IFT81: variants seen among roughly 807,000 people sequenced by gnomAD.
The protein encoded by IFT81 is intraflagellar transport 81.
A neutral mutation model predicts 102.6 loss-of-function variants in IFT81; 72 were observed. The ratio of observed to expected loss-of-function variants is 0.70; its 90% CI spans 0.58 to 0.85. IFT81 has a LOEUF of 0.85. Ranked by LOEUF, IFT81 falls within the 40% of genes least tolerant of loss-of-function variation. IFT81 has a pLI of 0.00. For missense variants in IFT81, 723 were observed against 787.3 expected, an observed-to-expected ratio of 0.92 and a Z score of 0.98; for synonymous variants, 237 against 242.7, an observed-to-expected ratio of 0.98 and a Z score of 0.22.
chr12:110,177,821 G>T (rs1178301170), intron 11 of IFT81, among the ~76,000 whole-genome samples: 2 of 152,040 alleles, frequency 1.3e-5, no homozygotes, highest in Non-Finnish European at 2.9e-5. Flanking sequence ...AAAGCCGGGC[G>T]CAGTGGCTCA....
At chr12:110,126,459 T>G (rs923505533) in intron 1 of IFT81, among the ~76,000 whole-genome samples, 2 of 150,634 alleles carry the variant, frequency 1.3e-5, no homozygotes, top group South Asian at 2.1e-4. Context: ...GTTGGGGGGG[T>G]TTGTGCCTCT....
chr12:110,176,706 C>T (rs1292664204), intron 11 of IFT81, among the ~76,000 whole-genome samples: 1 of 152,186 alleles, frequency 6.6e-6, no homozygotes, highest in Non-Finnish European at 1.5e-5. Context: ...TTGATGGCCA[C>T]CTATTGCTTA....
Position 110,209,959 on chromosome 12 carries a change from C to G in IFT81, c.1848+743C>G, listed in dbSNP as rs1474113641. On this transcript the variant is annotated intron_variant, in intron 18 of 18. Transcript: ENST00000242591. ...CTCAGCTCCCTCCTGCCAGAGTTAT[C>G]TGATGGCAACTGAAATAGGACTGTA... is the stretch of plus-strand genomic sequence containing the variant. Among the ~76,000 whole-genome samples, 3 of 152,198 alleles carry G rather than the reference C, an allele frequency of 2.0e-5. No individual in the cohort carries two copies. The East Asian group carries it at 5.8e-4, about 29-fold the overall frequency.
chr12:110,128,798 A>C (rs1045200390), intron 3 of IFT81, 152 bp from the exon 4 acceptor site: 4 of 609,680 alleles, frequency 6.6e-6, no homozygotes, highest in Admixed American at 6.8e-5. Context: ...AAAAAAAAAA[A>C]AAAAAAAAAA....
intron 7 of IFT81, among the ~76,000 whole-genome samples, chr12:110,135,733 G>GGT (rs1454206404): frequency 6.6e-6 from 1 of 151,966 alleles, no homozygotes; most frequent in Non-Finnish European, 1.5e-5. Flanking sequence ...TGGGCATGGT[G>GGT]GCACATGCCT....
At chr12:110,197,555 C>CAT (rs141544205) in intron 14 of IFT81, among the ~76,000 whole-genome samples, 12,433 of 108,438 alleles carry the variant, frequency 0.11, 656 homozygotes, top group Admixed American at 0.15. Flanking sequence ...AGGTTTTTAT[C>CAT]ATATATATAT....
At position 110,205,682 on chromosome 12, in the gene IFT81, C is replaced by G. The variant is rs773142981; in HGVS notation, c.1802+2C>G. 1 of 1,567,904 alleles carries G rather than the reference C, an allele frequency of 6.4e-7. No homozygotes were observed. Among genetic ancestry groups the G allele is most frequent in the Non-Finnish European group, 8.6e-7 (1 of 1,158,372 alleles). The stretch of plus-strand genomic sequence containing the variant: ...ACAAGAAAAAAGAAAGGCAATTAGG[C>G]AAGTGATTTTGTTGTTTTATATTGA... On this transcript the variant is annotated splice_donor_variant, in intron 17 of 18. Coordinates refer to ENST00000242591, the MANE Select transcript of IFT81 (RefSeq NM_014055.4). LOFTEE classifies it high-confidence loss of function.
At chr12:110,213,924 A>G (rs1325294546) in intron 18 of IFT81, among the ~76,000 whole-genome samples, 1 of 152,160 alleles carries the variant, frequency 6.6e-6, no homozygotes, top group Non-Finnish European at 1.5e-5. Context: ...GTGTGACAAA[A>G]TGTTCTAATT....
In IFT81 at chr12:110,136,783, A is replaced by T. The variant is rs764531304; in HGVS notation, c.704A>T (p.His235Leu). The change falls in exon 8 of 19, where the codon CAT (histidine) becomes CTT (leucine). Residue 235 changes from histidine (H) to leucine (L), a missense_variant. Physicochemically the swap from His to Leu is moderately conservative, Grantham distance 99 (BLOSUM62 -3). Coordinates refer to ENST00000242591, the MANE Select transcript of IFT81 (RefSeq NM_014055.4). Reference sequence around the variant, plus strand: ...TTTAATTGTATTTTAAAGCTATTTCATGCAGTGCAAAGATTGCAAAGAGTA... The same window carrying T: ...TTTAATTGTATTTTAAAGCTATTTCTTGCAGTGCAAAGATTGCAAAGAGTA... ...QKQEQKNQLF[H>L]AVQRLQRVQN... 1 of 1,603,942 alleles carries T rather than the reference A, an allele frequency of 6.2e-7. No homozygotes were observed. Among genetic ancestry groups the T allele is most frequent in the Admixed American group, 1.7e-5 (1 of 59,658 alleles).
Position 110,191,038 on chromosome 12 carries a change from T to A in IFT81, c.1457T>A (p.Met486Lys). The A allele has an allele frequency of 1.9e-6, 3 of 1,603,392 alleles. No individual in the cohort carries two copies. Among genetic ancestry groups the A allele is most frequent in the East Asian group, 2.3e-5 (1 of 44,396 alleles). ...ATGAAAGGACGAACATTGGATGATA[T>A]GTCTGAAATGGTGATGATACTTTTA... is the stretch of plus-strand genomic sequence containing the variant. ...DEMKGRTLDD[M>K]SEMVKKLYSL... is the part of the protein sequence containing the mutation. Residue 486 changes from methionine to lysine, a missense_variant, in exon 13 of 19, where the codon ATG becomes AAG. Coordinates refer to ENST00000242591, the MANE Select transcript of IFT81 (RefSeq NM_014055.4).
intron 1 of IFT81, among the ~76,000 whole-genome samples, chr12:110,125,425 C>G (rs1029264524): frequency 6.6e-6 from 1 of 152,188 alleles, no homozygotes; most frequent in African/African-American, 2.4e-5. Flanking sequence ...GACGGAGTCT[C>G]TCTCTGTCCC....
At chr12:110,164,590 C>A (rs538810752) in intron 11 of IFT81, among the ~76,000 whole-genome samples, 1 of 152,180 alleles carries the variant, frequency 6.6e-6, no homozygotes, top group African/African-American at 2.4e-5. Context: ...CTTCACTGTG[C>A]CAAACAAATG....
At chr12:110,185,738 C>T (rs900367115) in intron 12 of IFT81, among the ~76,000 whole-genome samples, 2 of 151,932 alleles carry the variant, frequency 1.3e-5, no homozygotes, top group African/African-American at 2.4e-5. Context: ...GGACTACAGG[C>T]GTGCACTACC....
intron 11 of IFT81, among the ~76,000 whole-genome samples, chr12:110,176,249 G>A (rs1897029536): frequency 6.6e-6 from 1 of 152,026 alleles, no homozygotes; most frequent in African/African-American, 2.4e-5. Flanking sequence ...AACTTCCCAA[G>A]CCCCCTCATT....
intron 14 of IFT81, among the ~76,000 whole-genome samples, chr12:110,195,745 C>T (rs1897973143): frequency 6.6e-6 from 1 of 152,160 alleles, no homozygotes; most frequent in Non-Finnish European, 1.5e-5. Context: ...GGAACTTGTC[C>T]TCTAGTTGAG....
chr12:110,153,197 A>G (rs1257581496), intron 10 of IFT81, among the ~76,000 whole-genome samples: 1 of 152,198 alleles, frequency 6.6e-6, no homozygotes. Context: ...TCTTCAACTT[A>G]TTGTAAAAGT....
chr12:110,134,599 G>C (rs1399820108), intron 5 of IFT81, among the ~76,000 whole-genome samples: 1 of 152,138 alleles, frequency 6.6e-6, no homozygotes, highest in African/African-American at 2.4e-5. Context: ...AGCAGCTGTT[G>C]TTCATGTATT....
intron 9 of IFT81, among the ~76,000 whole-genome samples, chr12:110,144,647 A>T (rs1895095845): frequency 6.6e-6 from 1 of 151,796 alleles, no homozygotes; most frequent in Admixed American, 6.6e-5. Flanking sequence ...AGTAGCTGGG[A>T]CTACAGATAT....
intron 10 of IFT81, among the ~76,000 whole-genome samples, chr12:110,148,345 T>G (rs1895336718): frequency 1.3e-5 from 2 of 152,164 alleles, no homozygotes; most frequent in African/African-American, 4.8e-5. Flanking sequence ...TATTACATAC[T>G]TTTATTTGGA....
Sources: allele counts gnomAD v4.1 joint callset (sites outside exome capture counted in the v4.1 genomes callset), GRCh38; gene constraint gnomAD v4.1.1; transcripts MANE v1.5; gene names NCBI Gene and HGNC (gene_info 2026-07-23, HGNC 2026-07-21).